ZFAND4: variants seen among roughly 807,000 people sequenced by gnomAD.
ZFAND4 encodes the protein zinc finger AN1-type containing 4, also known as AN1-type zinc finger protein 4.
A neutral mutation model predicts 64.4 loss-of-function variants in ZFAND4; 43 were observed. The ratio of observed to expected loss-of-function variants is 0.67; its 90% confidence interval spans 0.52 to 0.86. The LOEUF (loss-of-function observed/expected upper bound fraction) is 0.86. Among genes scored for constraint, ZFAND4 ranks in the 40% least tolerant of loss-of-function variants. The probability of loss-of-function intolerance (pLI) is 0.00; values close to 1 mark genes in which losing one functional copy is unlikely to be tolerated. For missense variants in ZFAND4, 929 were observed against 859.8 expected, an observed-to-expected ratio of 1.08 and a Z score of -1.01; for synonymous variants, 296 against 305.7, an observed-to-expected ratio of 0.97 and a Z score of 0.33.
chr10:45,616,865 C>A (rs1347375264), intron 9 of ZFAND4, among the ~76,000 whole-genome samples: 2 of 152,000 alleles, frequency 1.3e-5, no homozygotes, highest in Non-Finnish European at 2.9e-5. Context: ...GAAGCCGAGG[C>A]GGGTGGATCT....
chr10:45,629,015 A>G (rs1353547226), intron 6 of ZFAND4, among the ~76,000 whole-genome samples: 1 of 152,116 alleles, frequency 6.6e-6, no homozygotes, highest in Non-Finnish European at 1.5e-5. Flanking sequence ...GATACTAAAA[A>G]TAGATCTAAG....
intron 6 of ZFAND4, among the ~76,000 whole-genome samples, chr10:45,632,290 A>T (rs980413515): frequency 6.6e-6 from 1 of 152,170 alleles, no homozygotes; most frequent in Non-Finnish European, 1.5e-5. Context: ...CCCAGGAGGC[A>T]CAGGTTGCAG....
chr10:45,648,835 C>A, intron 4 of ZFAND4: 1 of 688,102 alleles, frequency 1.5e-6, no homozygotes, highest in Non-Finnish European at 1.8e-6. Context: ...CCCTATGTCA[C>A]TAGAGTCTGT....
intron 6 of ZFAND4, among the ~76,000 whole-genome samples, chr10:45,628,659 G>A (rs185831175): frequency 2.0e-5 from 3 of 152,212 alleles, no homozygotes; most frequent in East Asian, 3.9e-4. Context: ...TTAAGGATAT[G>A]ACTTCTGGGC....
At chr10:45,647,256 T>C (rs893476868) in intron 5 of ZFAND4, among the ~76,000 whole-genome samples, 3 of 152,016 alleles carry the variant, frequency 2.0e-5, no homozygotes, top group Admixed American at 1.3e-4. Context: ...TGAAAGGAAA[T>C]GAATTATGCC....
At chr10:45,641,454 C>G (rs189597718) in intron 5 of ZFAND4, among the ~76,000 whole-genome samples, 23 of 152,292 alleles carry the variant, frequency 1.5e-4, no homozygotes, top group African/African-American at 5.5e-4. Flanking sequence ...GTTTCTGAAG[C>G]ACATATTGTC....
rs1564540835 is a variant in ZFAND4 at position 45,618,200 on chromosome 10, G to GT, written c.1987dup (p.Thr663AsnfsTer16). 1 of 1,613,604 alleles carries GT rather than the reference G, an allele frequency of 6.2e-7. No individual in the cohort carries two copies. Among genetic ancestry groups the GT allele is most frequent in the Non-Finnish European group, 8.5e-7 (1 of 1,179,812 alleles). ...TCCACAAAGAAAACAATGATTTGTT[G>GT]TTTTCTTCTTTGTCTGAAGAGGGGC... On this transcript the variant is annotated frameshift_variant, in exon 9 of 10. Coordinates refer to ENST00000344646, the MANE Select transcript of ZFAND4 (RefSeq NM_174890.4). LOFTEE classifies it high-confidence loss of function.
chr10:45,661,941 GAAAA>G (rs766075300), intron 2 of ZFAND4, among the ~76,000 whole-genome samples: 1 of 101,060 alleles, frequency 9.9e-6, no homozygotes, highest in Admixed American at 1.1e-4. Context: ...CCGTCTCGAA[GAAAA>G]AAAAAAAAAA....
intron 1 of ZFAND4, among the ~76,000 whole-genome samples, chr10:45,665,598 A>G (rs184113952): frequency 6.6e-6 from 1 of 152,158 alleles, no homozygotes; most frequent in African/African-American, 2.4e-5. Flanking sequence ...AAATTCACTC[A>G]TTTAAAGCCT....
intron 9 of ZFAND4, chr10:45,617,727 A>G (rs1225419698): frequency 6.6e-6 from 1 of 152,364 alleles, no homozygotes. Flanking sequence ...TGAAATAAAT[A>G]ATTACAGTAA....
chr10:45,635,195 C>CAAAAAAAAAAAAAAAAAAAAAAAAA (rs1173808756), intron 6 of ZFAND4, among the ~76,000 whole-genome samples: 81 of 27,554 alleles, frequency 2.9e-3, no homozygotes, highest in East Asian at 8.9e-3. Flanking sequence ...GCCATCTAAG[C>CAAAAAAAAAAAAAAAAAAAAAAAAA]AAAAAAAAAA....
chr10:45,643,828 G>T (rs181946976), intron 5 of ZFAND4, among the ~76,000 whole-genome samples: 1 of 152,068 alleles, frequency 6.6e-6, no homozygotes, highest in Non-Finnish European at 1.5e-5. Context: ...GCAAACCATG[G>T]TCATGGGTCA....
At chr10:45,631,832 T>A (rs1022710504) in intron 6 of ZFAND4, among the ~76,000 whole-genome samples, 1 of 152,236 alleles carries the variant, frequency 6.6e-6, no homozygotes, top group Admixed American at 6.5e-5. Flanking sequence ...AAAATATATC[T>A]ATTACGTATC....
chr10:45,650,766 C>T (rs1338562823), intron 4 of ZFAND4: 2 of 152,040 alleles, frequency 1.3e-5, no homozygotes, highest in African/African-American at 4.8e-5. Flanking sequence ...TGTGCTACTT[C>T]AAGAGTTATT....
intron 6 of ZFAND4, 78 bp downstream of exon 6, chr10:45,639,738 A>G (rs2046858102): frequency 6.2e-6 from 9 of 1,458,976 alleles, no homozygotes; most frequent in Middle Eastern, 3.6e-4. Context: ...TTTTTTCACA[A>G]TGACCAACAG....
chr10:45,659,100 T>TGA (rs781157388), intron 2 of ZFAND4, among the ~76,000 whole-genome samples: 4 of 152,182 alleles, frequency 2.6e-5, no homozygotes, highest in Non-Finnish European at 5.9e-5. Flanking sequence ...AGGCTGAGTG[T>TGA]GGACTAGTAT....
At chr10:45,636,455 G>A (rs981921535) in intron 6 of ZFAND4, among the ~76,000 whole-genome samples, 13 of 152,068 alleles carry the variant, frequency 8.5e-5, no homozygotes, top group Non-Finnish European at 1.8e-4. Context: ...GACCAACATG[G>A]TGAAACCCCG....
intron 2 of ZFAND4, among the ~76,000 whole-genome samples, chr10:45,653,317 G>A (rs1360081035): frequency 6.6e-6 from 1 of 152,008 alleles, no homozygotes; most frequent in East Asian, 1.9e-4. Flanking sequence ...TATAAGATAG[G>A]GATCCCTTTA....
chr10:45,638,620 C>T (rs2046785987), intron 6 of ZFAND4, among the ~76,000 whole-genome samples: 1 of 152,150 alleles, frequency 6.6e-6, no homozygotes, highest in Admixed American at 6.5e-5. Flanking sequence ...TCCAAAGAAA[C>T]AAGTGCTATG....
Sources: gnomAD v4.1 joint callset for allele counts (sites outside exome capture counted in the v4.1 genomes callset) on GRCh38, gnomAD v4.1.1 for gene constraint, MANE v1.5 for transcripts, NCBI Gene and HGNC (gene_info 2026-07-23, HGNC 2026-07-21) for gene names.